The following DMD variants were observed in gnomAD, a reference collection of about 807,000 sequenced individuals.
DMD encodes dystrophin, also known as mutant dystrophin.
A neutral mutation model predicts 330.1 loss-of-function variants in DMD; 63 were observed. The observed-to-expected ratio is 0.19, with a 90% CI of 0.16 to 0.24. The LOEUF (loss-of-function observed/expected upper bound fraction) is 0.24, where lower values mean the gene tolerates loss of function less well. Among genes scored for constraint, DMD ranks in the 10% least tolerant of loss-of-function variants. The pLI, the probability that DMD is intolerant of heterozygous loss-of-function variation, is 1.00. For missense variants in DMD, 3,344 were observed against 2,684.1 expected (o/e 1.25, Z -5.43); for synonymous variants, 1,223 against 959.8 (o/e 1.27, Z -5.07).
chrX:32,666,105 T>G (rs2061285062), intron 9 of DMD, among the ~76,000 whole-genome samples: 2 of 111,182 alleles, frequency 1.8e-5, no homozygotes, highest in Admixed American at 1.9e-4. Flanking sequence ...GACAGACTTC[T>G]GACATATATG....
At position 32,076,028 on chromosome X, in the gene DMD, G is replaced by C. The variant is rs1171038936; in HGVS notation, c.6439-107514C>G. Among the ~76,000 whole-genome samples, 2 of 79,336 alleles carry C rather than the reference G, an allele frequency of 2.5e-5. 1 individual carries two copies. Among genetic ancestry groups the C allele is most frequent in the African/African-American group, 1.0e-4 (2 of 19,119 alleles). 68.9% of individuals were successfully genotyped at this position (79,336 alleles called of 115,157 possible). ...ATGCCATTGCACTGCACTCCAGCCT[G>C]GGTGACAGAACGAGACTCTGTCTCA... On this transcript the variant is annotated intron_variant, in intron 44 of 78. Coordinates refer to ENST00000357033, the MANE Select transcript of DMD (RefSeq NM_004006.3).
At chrX:32,296,216 C>T (rs1213810744) in intron 42 of DMD, among the ~76,000 whole-genome samples, 1 of 110,090 alleles carries the variant, frequency 9.1e-6, no homozygotes, top group East Asian at 2.8e-4. Context: ...ACATGTGAAA[C>T]CCTGTCTCTA....
At chrX:33,113,851 T>C (rs944577905) in intron 1 of DMD, among the ~76,000 whole-genome samples, 2 of 111,188 alleles carry the variant, frequency 1.8e-5, no homozygotes, top group Non-Finnish European at 3.8e-5. Context: ...AATTCTCATG[T>C]AATATTAGAT....
intron 1 of DMD, among the ~76,000 whole-genome samples, chrX:33,236,173 C>A (rs754602498): frequency 1.8e-5 from 2 of 108,912 alleles, no homozygotes; most frequent in South Asian, 8.1e-4. Flanking sequence ...GCCTCGGCCT[C>A]CCAAAGTGCT....
intron 1 of DMD, among the ~76,000 whole-genome samples, chrX:33,096,694 T>TG (rs2095171201): frequency 9.0e-6 from 1 of 110,811 alleles, no homozygotes; most frequent in South Asian, 3.8e-4. Flanking sequence ...TTAGTAGAGA[T>TG]GGGGTTTCAC....
chrX:32,475,731 T>C (rs997789539), intron 21 of DMD, among the ~76,000 whole-genome samples: 1 of 111,309 alleles, frequency 9.0e-6, no homozygotes, highest in Non-Finnish European at 1.9e-5. Flanking sequence ...TAATCTTGTA[T>C]CTGGAAATGT....
intron 1 of DMD, among the ~76,000 whole-genome samples, chrX:33,064,672 T>G (rs1202621290): frequency 2.7e-5 from 3 of 111,551 alleles, no homozygotes; most frequent in East Asian, 5.7e-4. Context: ...GTGGATCACC[T>G]GAAGTCAGGA....
chrX:31,719,332 T>C (rs1478370750), intron 52 of DMD, among the ~76,000 whole-genome samples: 1 of 112,393 alleles, frequency 8.9e-6, no homozygotes, highest in Admixed American at 9.5e-5. Flanking sequence ...GACATTCTTA[T>C]GTATTTATCT....
chrX:33,184,432 AT>A (rs1250583026), intron 1 of DMD, among the ~76,000 whole-genome samples: 18 of 111,463 alleles, frequency 1.6e-4, no homozygotes, highest in African/African-American at 5.9e-4. Flanking sequence ...TTTGAAATTA[AT>A]AGGGAATCTA....
At chrX:31,511,059 A>G (rs1388204595) in intron 55 of DMD, among the ~76,000 whole-genome samples, 1 of 110,804 alleles carries the variant, frequency 9.0e-6, no homozygotes, top group African/African-American at 3.3e-5. Context: ...GCTGGTAGGA[A>G]ATCTTTCAAG....
chrX:32,112,636 G>A (rs1165424475), intron 44 of DMD, among the ~76,000 whole-genome samples: 2 of 111,744 alleles, frequency 1.8e-5, no homozygotes, highest in Non-Finnish European at 3.8e-5. Context: ...ATCACACCTG[G>A]GCTTTAGCTT....
intron 13 of DMD, among the ~76,000 whole-genome samples, chrX:32,585,694 C>T (rs57880424): frequency 0.13 from 4,510 of 35,359 alleles, 454 homozygotes; most frequent in African/African-American, 0.33. Flanking sequence ...AGCAGGACTC[C>T]GTCTCAAAAA....
At chrX:32,832,447 C>T (rs781089178) in intron 4 of DMD, among the ~76,000 whole-genome samples, 8 of 110,750 alleles carry the variant, frequency 7.2e-5, no homozygotes, top group Non-Finnish European at 1.5e-4. Context: ...CATTTCATTT[C>T]GTTCTCATAA....
At chrX:32,477,469 A>T (rs1432907171) in intron 21 of DMD, among the ~76,000 whole-genome samples, 4 of 110,506 alleles carry the variant, frequency 3.6e-5, no homozygotes, top group Non-Finnish European at 5.7e-5. Context: ...TAAAAGAGGG[A>T]GGGGCTAAAG....
intron 52 of DMD, among the ~76,000 whole-genome samples, chrX:31,695,209 T>C (rs2083379109): frequency 9.0e-6 from 1 of 110,838 alleles, no homozygotes; most frequent in Non-Finnish European, 1.9e-5. Context: ...ATTTGTGGGA[T>C]CTAAAAATTA....
At chrX:33,039,712 A>G (rs2094266371) in intron 1 of DMD, among the ~76,000 whole-genome samples, 1 of 111,039 alleles carries the variant, frequency 9.0e-6, no homozygotes, top group Non-Finnish European at 1.9e-5. Context: ...ATCTAAAGTA[A>G]GGGTAACTGT....
chrX:32,797,146 G>A (rs2076240685), intron 7 of DMD, among the ~76,000 whole-genome samples: 1 of 110,945 alleles, frequency 9.0e-6, no homozygotes, highest in South Asian at 3.8e-4. Flanking sequence ...TGGGGGGACA[G>A]GGCCTCAGTT....
At chrX:32,512,929 T>C (rs754380551) in intron 18 of DMD, among the ~76,000 whole-genome samples, 2 of 111,492 alleles carry the variant, frequency 1.8e-5, no homozygotes, top group South Asian at 3.8e-4. Context: ...ATGTTGAGTG[T>C]CCTAAAATTT....
At chrX:31,776,736 CTA>C (rs2090689641) in intron 50 of DMD, among the ~76,000 whole-genome samples, 1 of 111,157 alleles carries the variant, frequency 9.0e-6, no homozygotes, top group Non-Finnish European at 1.9e-5. Flanking sequence ...TATTGGAAGT[CTA>C]TTGAAAAGCA....
Sources: allele counts gnomAD v4.1 joint callset (sites outside exome capture counted in the v4.1 genomes callset), GRCh38; gene constraint gnomAD v4.1.1; transcripts MANE v1.5; gene names NCBI Gene and HGNC (gene_info 2026-07-23, HGNC 2026-07-21).